Variants in CHRDL2 observed in about 807,000 individuals in gnomAD.
CHRDL2 encodes chordin like 2, also known as chordin-like protein 2.
In CHRDL2, 41 loss-of-function variants were observed where a neutral mutation model predicts 54.3. The ratio of observed to expected loss-of-function variants is 0.76; its 90% CI spans 0.59 to 0.98. CHRDL2 has a LOEUF of 0.98. CHRDL2 is among the 50% of genes least tolerant of loss of function. The pLI, the probability that CHRDL2 is intolerant of heterozygous loss-of-function variation, is 0.00. For synonymous variants in CHRDL2, 220 were observed against 224.3 expected, an observed-to-expected ratio of 0.98 and a Z score of 0.17; for missense variants, 518 against 562.4, an observed-to-expected ratio of 0.92 and a Z score of 0.80.
At chr11:74,700,284 G>T (rs2033756598) in intron 9 of CHRDL2, among the ~76,000 whole-genome samples, 1 of 152,236 alleles carries the variant, frequency 6.6e-6, no homozygotes, top group Non-Finnish European at 1.5e-5. Flanking sequence ...GGGCATATGG[G>T]CGTGAGCTCT....
intron 1 of CHRDL2, among the ~76,000 whole-genome samples, chr11:74,722,072 G>C (rs78057351): frequency 0.019 from 2,931 of 152,276 alleles, 114 homozygotes; most frequent in African/African-American, 0.067. Flanking sequence ...TCCAAAGTGG[G>C]TTAGGATGAA....
intron 9 of CHRDL2, chr11:74,698,718 CACA>C (rs201645180): frequency 0.046 from 6,787 of 147,474 alleles, 166 homozygotes; most frequent in Middle Eastern, 0.068. Flanking sequence ...CACACACACA[CACA>C]CCCCACATAC....
intron 9 of CHRDL2, chr11:74,701,453 C>T (rs2033806956): frequency 1.7e-6 from 1 of 580,376 alleles, no homozygotes; most frequent in Admixed American, 2.8e-5. Flanking sequence ...AGTCCTGTCC[C>T]CCTGAGTCTT....
intron 5 of CHRDL2, 68 bp downstream of exon 5, chr11:74,708,232 TCA>T: frequency 8.9e-7 from 1 of 1,119,000 alleles, no homozygotes; most frequent in Non-Finnish European, 1.2e-6. Context: ...CTCACGGCTC[TCA>T]CAGTCCATGG....
chr11:74,727,305 TC>T (rs1177720779), intron 1 of CHRDL2, among the ~76,000 whole-genome samples: 1 of 152,030 alleles, frequency 6.6e-6, no homozygotes, highest in Admixed American at 6.6e-5. Context: ...CCAGCGGAGC[TC>T]CCTTCCTGTC....
At chr11:74,708,463 C>T in intron 4 of CHRDL2, 68 bp from the exon 5 acceptor site, 1 of 1,217,022 alleles carries the variant, frequency 8.2e-7, no homozygotes, top group Non-Finnish European at 1.1e-6. Flanking sequence ...GCTAGGAACA[C>T]CCCCTTCCCT....
chr11:74,711,066 C>T, intron 3 of CHRDL2, 75 bp from the exon 4 acceptor site: 2 of 1,496,326 alleles, frequency 1.3e-6, no homozygotes, highest in Non-Finnish European at 1.8e-6. Context: ...AACAAGGCCA[C>T]TTTTCTGATG....
chr11:74,704,767 T>C (rs2033952711), intron 6 of CHRDL2, 113 bp from the exon 7 acceptor site: 2 of 1,039,944 alleles, frequency 1.9e-6, no homozygotes, highest in Admixed American at 2.2e-5. Context: ...CCAGCATGAC[T>C]TCCCAGAGAA....
intron 4 of CHRDL2, 77 bp from the exon 5 acceptor site, chr11:74,708,472 C>T: frequency 2.6e-6 from 3 of 1,140,852 alleles, no homozygotes; most frequent in Middle Eastern, 1.9e-4. Flanking sequence ...ACCCCCTTCC[C>T]TGGGAGCAAA....
chr11:74,718,448 C>A (rs76995862), intron 2 of CHRDL2, among the ~76,000 whole-genome samples: 1 of 152,124 alleles, frequency 6.6e-6, no homozygotes, highest in Non-Finnish European at 1.5e-5. Flanking sequence ...GGCACCAGCA[C>A]GAGGTGGAAA....
chr11:74,725,194 T>C (rs1425717442), intron 1 of CHRDL2, among the ~76,000 whole-genome samples: 1 of 152,174 alleles, frequency 6.6e-6, no homozygotes, highest in African/African-American at 2.4e-5. Context: ...GGTTTCACCA[T>C]GTTGGCCAAG....
In CHRDL2 at chr11:74,715,753, C is replaced by T. The variant is rs184387943; in HGVS notation, c.196-2274G>A. Reference sequence around the variant, plus strand: ...CAGCACTTTGGGATGCCAAGGCGGGCAGATTGTTTGAGGTCAGGTGTTTGA... The same window carrying T: ...CAGCACTTTGGGATGCCAAGGCGGGTAGATTGTTTGAGGTCAGGTGTTTGA... On this transcript the variant is annotated intron_variant, in intron 2 of 10. Coordinates refer to ENST00000376332, the MANE Select transcript of CHRDL2 (RefSeq NM_001278473.3). Among the ~76,000 whole-genome samples, 5 of 150,714 alleles carry T rather than the reference C, an allele frequency of 3.3e-5. No individual in the cohort carries two copies. The East Asian group carries it at 9.9e-4, about 30-fold the overall frequency.
chr11:74,706,641 C>T (rs1205076565), intron 5 of CHRDL2, 99 bp from the exon 6 acceptor site: 1 of 1,132,220 alleles, frequency 8.8e-7, no homozygotes, highest in Non-Finnish European at 1.3e-6. Context: ...ATTCCCAAGG[C>T]CTGCTGTCCC....
At chr11:74,701,729 C>G in intron 9 of CHRDL2, 1 of 630,942 alleles carries the variant, frequency 1.6e-6, no homozygotes, top group East Asian at 2.8e-5. Flanking sequence ...ACTTTGTAAA[C>G]TCCAAAGTGC....
At chr11:74,728,621 C>T (rs986168825) in intron 1 of CHRDL2, among the ~76,000 whole-genome samples, 1 of 152,078 alleles carries the variant, frequency 6.6e-6, no homozygotes, top group African/African-American at 2.4e-5. Flanking sequence ...GGTTCCTCTC[C>T]CTCTCAGCCT....
intron 3 of CHRDL2, 98 bp downstream of exon 3, chr11:74,713,288 G>T: frequency 9.8e-7 from 1 of 1,021,768 alleles, no homozygotes; most frequent in Non-Finnish European, 1.5e-6. Context: ...GATGGGTAGA[G>T]ACTGCCCCTC....
Position 74,718,725 on chromosome 11 carries a change from A to C in CHRDL2, c.190T>G (p.Ser64Ala). 3.1e-6 allele frequency: 5 copies of C among 1,608,124 alleles called. No homozygotes were observed. Among genetic ancestry groups the C allele is most frequent in the Non-Finnish European group, 4.3e-6 (5 of 1,175,120 alleles). Residue 64 changes from serine (S) to alanine (A), a missense_variant, in exon 2 of 11, where the codon TCA (serine) becomes GCA (alanine). Transcript: ENST00000376332. ...GLMYCLRCTCSEGAHVSCYRL... is the reference protein window; with the variant it reads ...GLMYCLRCTCAEGAHVSCYRL... Reference sequence around the variant, plus strand: ...AGGTGGCCAGAGGAACCTACCTCTGAGCAGGTACAGCGCAGGCAGTACATC... The same window carrying C: ...AGGTGGCCAGAGGAACCTACCTCTGCGCAGGTACAGCGCAGGCAGTACATC...
chr11:74,703,115 G>A (rs1364641168), intron 8 of CHRDL2, 148 bp from the exon 9 acceptor site: 30 of 1,026,598 alleles, frequency 2.9e-5, no homozygotes, highest in South Asian at 1.2e-4. Context: ...TCCTGACACC[G>A]CATGGTTCTA....
At chr11:74,712,301 G>A (rs1371401756) in intron 3 of CHRDL2, among the ~76,000 whole-genome samples, 1 of 152,080 alleles carries the variant, frequency 6.6e-6, no homozygotes, top group African/African-American at 2.4e-5. Flanking sequence ...AGGGCCGATG[G>A]CATGGCAACG....
Sources: gnomAD v4.1 joint callset for allele counts (sites outside exome capture counted in the v4.1 genomes callset) on GRCh38, gnomAD v4.1.1 for gene constraint, MANE v1.5 for transcripts, NCBI Gene and HGNC (gene_info 2026-07-23, HGNC 2026-07-21) for gene names.